PCCB: variants seen among roughly 807,000 people sequenced by gnomAD.
PCCB encodes the protein propionyl-CoA carboxylase subunit beta.
In PCCB, 43 loss-of-function variants were observed where a neutral mutation model predicts 60.7. The observed-to-expected ratio is 0.71, with a 90% CI of 0.55 to 0.91. The LOEUF is 0.91. Ranked by LOEUF, PCCB falls within the 40% of genes least tolerant of loss-of-function variation. The pLI, the probability that PCCB is intolerant of heterozygous loss-of-function variation, is 0.00. For synonymous variants in PCCB, 276 were observed against 255.9 expected (o/e 1.08, Z -0.75); for missense variants, 766 against 702.8 (o/e 1.09, Z -1.02).
intron 5 of PCCB, among the ~76,000 whole-genome samples, chr3:136,275,398 TAATC>T (rs1576320084): frequency 6.6e-6 from 1 of 152,148 alleles, no homozygotes; most frequent in East Asian, 1.9e-4. Flanking sequence ...AGTAGCTTAA[TAATC>T]AACCTACTGA....
At position 136,277,487 on chromosome 3, in the gene PCCB, T is replaced by A. The variant is rs140384963; in HGVS notation, c.544-6350T>A. Among the ~76,000 whole-genome samples, 9 of 152,138 alleles carry A rather than the reference T, an allele frequency of 5.9e-5. No individual in the cohort carries two copies. The East Asian group carries it at 1.7e-3, about 30-fold the overall frequency. ...GGGGTCCATAAAGCTGCCAAAAGTTTCTGTCCTTTGTATTAAGTAACCAGG... is the reference window on the plus strand; with the variant it reads ...GGGGTCCATAAAGCTGCCAAAAGTTACTGTCCTTTGTATTAAGTAACCAGG... On this transcript the variant is annotated intron_variant, in intron 5 of 14. Transcript: ENST00000251654.
At chr3:136,280,640 C>T (rs570301699) in intron 5 of PCCB, among the ~76,000 whole-genome samples, 1 of 152,282 alleles carries the variant, frequency 6.6e-6, no homozygotes, top group African/African-American at 2.4e-5. Flanking sequence ...GCCATTGTGC[C>T]CAGCCTTCTT....
intron 8 of PCCB, among the ~76,000 whole-genome samples, chr3:136,299,899 CATATGTATGCATGT>C (rs1560019423): frequency 5.3e-5 from 8 of 151,138 alleles, no homozygotes; most frequent in Admixed American, 1.3e-4. Context: ...TATATGCGTA[CATATGTATGCATGT>C]ATATGTATGC....
chr3:136,298,151 C>G, intron 8 of PCCB, 79 bp downstream of exon 8: 2 of 1,588,838 alleles, frequency 1.3e-6, no homozygotes, highest in South Asian at 2.2e-5. Flanking sequence ...CCCCCAGGGT[C>G]TGCCTTGTTG....
In PCCB at chr3:136,283,861, A is replaced by G; in HGVS notation, c.568A>G (p.Ile190Val). ...FLRNVTASGV[I>V]PQISLIMGPC... ...GAGGAATGTTACGGCATCCGGAGTC[A>G]TCCCTCAGATTTCTCTGATCATGGG... The change falls in exon 6 of 15, where the codon ATC (isoleucine) becomes GTC (valine). Residue 190 changes from isoleucine (I) to valine (V), a missense_variant. Physicochemically the swap from Ile to Val is conservative, Grantham distance 29. Coordinates refer to ENST00000251654, the MANE Select transcript of PCCB (RefSeq NM_000532.5). The G allele has an allele frequency of 6.2e-7, 1 of 1,613,586 alleles. No individual in the cohort carries two copies. The highest frequency in any genetic ancestry group is 1.7e-5 in the Admixed American group (1 of 60,022).
At chr3:136,288,160 C>T (rs1300189044) in intron 6 of PCCB, among the ~76,000 whole-genome samples, 1 of 152,098 alleles carries the variant, frequency 6.6e-6, no homozygotes, top group African/African-American at 2.4e-5. Context: ...TCCTGTTCTT[C>T]TAAATTAAGG....
intron 3 of PCCB, among the ~76,000 whole-genome samples, chr3:136,257,791 C>G (rs543554798): frequency 6.6e-6 from 1 of 152,090 alleles, no homozygotes; most frequent in African/African-American, 2.4e-5. Flanking sequence ...CAAAAATTAG[C>G]TGGGTGTTGT....
At chr3:136,265,297 G>A (rs985923355) in intron 5 of PCCB, among the ~76,000 whole-genome samples, 2 of 152,178 alleles carry the variant, frequency 1.3e-5, no homozygotes, top group Non-Finnish European at 2.9e-5. Flanking sequence ...GAGTTGTACA[G>A]CCATAATCTA....
At chr3:136,254,518 CTTTTTTTTTTTTTTTT>C (rs3994953) in intron 1 of PCCB, among the ~76,000 whole-genome samples, 3 of 45,928 alleles carry the variant, frequency 6.5e-5, no homozygotes, top group African/African-American at 2.7e-4. Context: ...CTGCGGCTAG[CTTTTTTTTTTTTTTTT>C]TTTTTTTTTT....
rs1010218920 is a variant in PCCB, at chr3:136,250,440, G to A, written c.65G>A (p.Arg22His). 1.3e-6 allele frequency: 2 copies of A among 1,598,750 alleles called. No homozygotes were observed. Among genetic ancestry groups the A allele is most frequent in the Non-Finnish European group, 1.7e-6 (2 of 1,172,874 alleles). ...CTCAGCGTTCTGGCGAGCGGTCTCCGCGCCGCGGTCCGCAGCCTTTGCAGC... is the reference window on the plus strand; with the variant it reads ...CTCAGCGTTCTGGCGAGCGGTCTCCACGCCGCGGTCCGCAGCCTTTGCAGC... ...ARLSVLASGL[R>H]AAVRSLCSQA... The change falls in exon 1 of 15, where the codon CGC becomes CAC. Residue 22 changes from arginine (R) to histidine (H), a missense_variant. Arg to His is a conservative substitution (Grantham distance 29). Coordinates refer to ENST00000251654, the MANE Select transcript of PCCB (RefSeq NM_000532.5).
chr3:136,289,266 A>G (rs147578723), intron 6 of PCCB, among the ~76,000 whole-genome samples: 12 of 152,112 alleles, frequency 7.9e-5, no homozygotes, highest in East Asian at 1.9e-4. Flanking sequence ...GGATTCATCT[A>G]TTTCTCCTTC....
chr3:136,324,974 C>T (rs1935250149), intron 10 of PCCB, among the ~76,000 whole-genome samples: 1 of 152,172 alleles, frequency 6.6e-6, no homozygotes, highest in Non-Finnish European at 1.5e-5. Flanking sequence ...CTCACTGCAA[C>T]CTCCTTCTCC....
chr3:136,321,570 C>T (rs934307490), intron 10 of PCCB, among the ~76,000 whole-genome samples: 1 of 152,166 alleles, frequency 6.6e-6, no homozygotes, highest in Non-Finnish European at 1.5e-5. Context: ...CATCAGATCT[C>T]ATGAGAACTC....
intron 5 of PCCB, among the ~76,000 whole-genome samples, chr3:136,278,502 C>G (rs952211730): frequency 6.6e-6 from 1 of 152,086 alleles, no homozygotes; most frequent in Non-Finnish European, 1.5e-5. Context: ...GTGGAAAAAC[C>G]AAAACCTCTC....
intron 5 of PCCB, among the ~76,000 whole-genome samples, chr3:136,276,527 C>T (rs866020975): frequency 6.6e-6 from 1 of 151,980 alleles, no homozygotes; most frequent in African/African-American, 2.4e-5. Flanking sequence ...TTGTTCCACA[C>T]AGAGAGGAAT....
chr3:136,329,409 C>T (rs940289923), intron 14 of PCCB, among the ~76,000 whole-genome samples: 4 of 152,094 alleles, frequency 2.6e-5, no homozygotes, highest in African/African-American at 7.2e-5. Flanking sequence ...AGCAAGGGGG[C>T]AAAGGGAAAC....
chr3:136,289,073 G>C (rs1393700239), intron 6 of PCCB, among the ~76,000 whole-genome samples: 1 of 152,056 alleles, frequency 6.6e-6, no homozygotes, highest in African/African-American at 2.4e-5. Flanking sequence ...GTCATAGGCT[G>C]GTCTTAACCC....
At chr3:136,300,924 G>C in intron 8 of PCCB, 106 bp from the exon 9 acceptor site, 1 of 790,224 alleles carries the variant, frequency 1.3e-6, no homozygotes, top group Non-Finnish European at 2.3e-6. Context: ...GACAGAACTG[G>C]CCCAGTCCCT....
At chr3:136,317,346 C>T (rs553497092) in intron 10 of PCCB, among the ~76,000 whole-genome samples, 2 of 150,566 alleles carry the variant, frequency 1.3e-5, no homozygotes, top group East Asian at 2.0e-4. Context: ...CTCGGCCTCC[C>T]GAGTAGCTGG....
Sources: gnomAD v4.1 joint callset for allele counts (sites outside exome capture counted in the v4.1 genomes callset) on GRCh38, gnomAD v4.1.1 for gene constraint, MANE v1.5 for transcripts, NCBI Gene and HGNC (gene_info 2026-07-23, HGNC 2026-07-21) for gene names.